The following YEATS2 variants were observed in gnomAD, a reference collection of about 807,000 sequenced individuals.
The protein encoded by YEATS2 is YEATS domain-containing protein 2.
YEATS2 carries 77 observed loss-of-function variants against 163.2 expected under a neutral mutation model. That is an observed-to-expected ratio of 0.47 (90% confidence interval 0.39 to 0.57). The LOEUF is 0.57. Ranked by LOEUF, YEATS2 falls within the 20% of genes least tolerant of loss-of-function variation. The pLI, the probability that YEATS2 is intolerant of heterozygous loss-of-function variation, is 0.00. For missense variants in YEATS2, 1,549 were observed against 1,729.8 expected (o/e 0.90, Z 1.85); for synonymous variants, 631 against 645.1 (o/e 0.98, Z 0.33).
intron 9 of YEATS2, among the ~76,000 whole-genome samples, chr3:183,748,180 C>T (rs535472814): frequency 6.6e-6 from 1 of 151,426 alleles, no homozygotes; most frequent in African/African-American, 2.4e-5. Context: ...GGCTCCTCTC[C>T]CCTTGTCTCC....
intron 6 of YEATS2, 54 bp from the exon 7 acceptor site, chr3:183,728,636 G>T: frequency 6.9e-6 from 10 of 1,456,416 alleles, no homozygotes; most frequent in Non-Finnish European, 9.1e-6. Context: ...TAATTATTTA[G>T]TTAGGTTTTT....
chr3:183,806,815 C>G (rs1206578116), intron 27 of YEATS2, 51 bp from the exon 28 acceptor site: 1 of 1,589,396 alleles, frequency 6.3e-7, no homozygotes, highest in Non-Finnish European at 8.6e-7. Context: ...GACGGAAAGT[C>G]CTCTTCCGTT....
At chr3:183,781,495 G>T (rs1253449699) in intron 19 of YEATS2, among the ~76,000 whole-genome samples, 2 of 152,110 alleles carry the variant, frequency 1.3e-5, no homozygotes, top group Non-Finnish European at 2.9e-5. Flanking sequence ...CCAAATGCTG[G>T]TCTCTTGCAG....
intron 6 of YEATS2, among the ~76,000 whole-genome samples, chr3:183,724,869 G>A (rs925215266): frequency 6.6e-6 from 1 of 151,934 alleles, no homozygotes; most frequent in Non-Finnish European, 1.5e-5. Flanking sequence ...TTAGCCTACC[G>A]AGTAGCTGGG....
In YEATS2 at chr3:183,754,811, T is replaced by G. The variant is rs183287546; in HGVS notation, c.1390+446T>G. On this transcript the variant is annotated intron_variant, in intron 11 of 30. Coordinates refer to ENST00000305135, the MANE Select transcript of YEATS2 (RefSeq NM_018023.5). ...TGTCTGTAACCACACTAGAAAATTA[T>G]TCATTCCTATTGTCAGTAGGTAGTT... Among the ~76,000 whole-genome samples the G allele has an allele frequency of 1.7e-3, 265 of 152,364 alleles. 3 individuals carry two copies. Among genetic ancestry groups the G allele is most frequent in the Admixed American group, 0.016 (251 of 15,306 alleles).
In YEATS2 at chr3:183,775,935, G is replaced by A. The variant is rs1046025887; in HGVS notation, c.2389G>A (p.Ala797Thr). Residue 797 changes from alanine to threonine, a missense_variant, in exon 18 of 31, where the codon GCC becomes ACC. Transcript: ENST00000305135. ...NNANLQSGSA[A>T]SGGSGAGGGG... ...TTTAGATCTCCAGTCTGGCTCAGCT[G>A]CCAGTGGTGGGAGTGGTGCCGGAGG... is the stretch of plus-strand genomic sequence containing the variant. The A allele has an allele frequency of 8.1e-6, 13 of 1,611,516 alleles. No homozygotes were observed. Among genetic ancestry groups the A allele is most frequent in the Non-Finnish European group, 1.1e-5 (13 of 1,179,882 alleles).
intron 13 of YEATS2, among the ~76,000 whole-genome samples, chr3:183,760,096 C>T (rs1577130643): frequency 6.6e-6 from 1 of 152,104 alleles, no homozygotes; most frequent in Non-Finnish European, 1.5e-5. Context: ...TGGTCCAAGG[C>T]GAGGCTGTTC....
chr3:183,707,744 C>T (rs1373360460), intron 1 of YEATS2, among the ~76,000 whole-genome samples: 1 of 141,264 alleles, frequency 7.1e-6, no homozygotes, highest in Non-Finnish European at 1.5e-5. Flanking sequence ...AGTGCAGTGG[C>T]GCAATCTCGG....
At chr3:183,764,243 C>T (rs1271768899) in intron 15 of YEATS2, among the ~76,000 whole-genome samples, 1 of 151,802 alleles carries the variant, frequency 6.6e-6, no homozygotes, top group African/African-American at 2.4e-5. Context: ...TGGTGTCGGG[C>T]TCCTGTAATC....
intron 2 of YEATS2, among the ~76,000 whole-genome samples, chr3:183,717,236 A>G (rs1299833311): frequency 3.9e-5 from 6 of 152,126 alleles, no homozygotes; most frequent in Non-Finnish European, 7.4e-5. Flanking sequence ...CGCAGGATCC[A>G]GTCCAGGACA....
chr3:183,799,468 C>G (rs1041378393), intron 23 of YEATS2, among the ~76,000 whole-genome samples: 4 of 152,136 alleles, frequency 2.6e-5, no homozygotes, highest in African/African-American at 4.8e-5. Context: ...ACAGGAGAGA[C>G]AGACTCAGCT....
intron 15 of YEATS2, among the ~76,000 whole-genome samples, chr3:183,764,079 CAAA>C (rs575449292): frequency 3.3e-5 from 5 of 151,462 alleles, no homozygotes; most frequent in Non-Finnish European, 7.4e-5. Flanking sequence ...AACAAAAAAA[CAAA>C]AAACAATGGC....
intron 13 of YEATS2, among the ~76,000 whole-genome samples, chr3:183,760,313 A>ATTTTTTTTTTTTTTTTTTTTTTTTTTTTT (rs11417378): frequency 1.8e-5 from 2 of 110,312 alleles, no homozygotes; most frequent in Non-Finnish European, 1.8e-5. Context: ...AAACTACAGA[A>ATTTTTTTTTTTTTTTTTTTTTTTTTTTTT]TTTTTTTTTT....
rs555568969 is a variant in YEATS2, at chr3:183,711,199, A to G, written c.-19-3945A>G. ...TTAAAAGCTTTAAACAGCTGGGCGCAGTGGCTCATGCCTGTAATCCCAGCA... is the reference window on the plus strand; with the variant it reads ...TTAAAAGCTTTAAACAGCTGGGCGCGGTGGCTCATGCCTGTAATCCCAGCA... On this transcript the variant is annotated intron_variant, in intron 1 of 30. Transcript: ENST00000305135. Among the ~76,000 whole-genome samples the G allele has an allele frequency of 1.2e-4, 19 of 152,260 alleles. No individual in the cohort carries two copies. In the South Asian group the frequency reaches 2.7e-3, roughly 22 times the overall value.
At chr3:183,738,316 A>G (rs575287501) in intron 8 of YEATS2, among the ~76,000 whole-genome samples, 2 of 151,952 alleles carry the variant, frequency 1.3e-5, no homozygotes, top group African/African-American at 2.4e-5. Context: ...TGAAAAAAGC[A>G]TGTTGAAAGC....
At chr3:183,758,285 A>G (rs1407857491) in intron 12 of YEATS2, among the ~76,000 whole-genome samples, 4 of 152,178 alleles carry the variant, frequency 2.6e-5, no homozygotes, top group African/African-American at 9.7e-5. Context: ...TGAACCCAGT[A>G]GGTGGAGGTT....
chr3:183,805,124 G>T (rs1426327259), intron 27 of YEATS2, among the ~76,000 whole-genome samples: 1 of 152,160 alleles, frequency 6.6e-6, no homozygotes, highest in African/African-American at 2.4e-5. Context: ...GTTGGGCCGG[G>T]CGTAGTGGCT....
At chr3:183,795,173 A>AG (rs1307507959) in intron 21 of YEATS2, among the ~76,000 whole-genome samples, 3 of 147,736 alleles carry the variant, frequency 2.0e-5, no homozygotes, top group Non-Finnish European at 4.5e-5. Context: ...CACTGTCTCA[A>AG]AAAAAAAAAA....
At chr3:183,752,366 G>A in intron 10 of YEATS2, 113 bp downstream of exon 10, 1 of 1,282,542 alleles carries the variant, frequency 7.8e-7, no homozygotes, top group Non-Finnish European at 1.1e-6. Flanking sequence ...TGGACATGCT[G>A]CCTCTACTAC....
Sources: gnomAD v4.1 joint callset for allele counts (sites outside exome capture counted in the v4.1 genomes callset) on GRCh38, gnomAD v4.1.1 for gene constraint, MANE v1.5 for transcripts, NCBI Gene and HGNC (gene_info 2026-07-23, HGNC 2026-07-21) for gene names.